WDPCP: variants seen among roughly 807,000 people sequenced by gnomAD.
WDPCP encodes the protein WD repeat-containing and planar cell polarity effector protein fritz homolog.
In WDPCP, 71 loss-of-function variants were observed where a neutral mutation model predicts 93.1. The ratio of observed to expected loss-of-function variants is 0.76; its 90% CI spans 0.63 to 0.93. WDPCP has a LOEUF of 0.93. Ranked by LOEUF, WDPCP falls within the 40% of genes least tolerant of loss-of-function variation. WDPCP has a pLI of 0.00. For synonymous variants in WDPCP, 315 were observed against 315.0 expected, an observed-to-expected ratio of 1.00 and a Z score of 0.00; for missense variants, 844 against 887.4, an observed-to-expected ratio of 0.95 and a Z score of 0.62.
intron 3 of WDPCP, among the ~76,000 whole-genome samples, chr2:63,624,395 G>T (rs999667460): frequency 6.6e-6 from 1 of 152,028 alleles, no homozygotes; most frequent in Admixed American, 6.5e-5. Context: ...TCCAGGAGCT[G>T]GTTTTTTGAA....
intron 17 of WDPCP, among the ~76,000 whole-genome samples, chr2:63,138,454 C>CTTT (rs770979974): frequency 1.5e-5 from 2 of 133,716 alleles, no homozygotes; most frequent in Non-Finnish European, 3.2e-5. Flanking sequence ...TGAGTAAGTT[C>CTTT]TTTTTTTTTT....
At chr2:63,281,313 T>A (rs1454774219) in intron 13 of WDPCP, among the ~76,000 whole-genome samples, 1 of 152,118 alleles carries the variant, frequency 6.6e-6, no homozygotes, top group Middle Eastern at 3.2e-3. Context: ...ATGGCCATAA[T>A]AAAAGAATTT....
chr2:63,606,124 A>G, intron 3 of WDPCP: 2 of 1,176,398 alleles, frequency 1.7e-6, no homozygotes, highest in Non-Finnish European at 2.5e-6. Flanking sequence ...GCTCACGCCT[A>G]TAATCCCAAC....
At chr2:63,235,597 C>A (rs139919043) in intron 14 of WDPCP, among the ~76,000 whole-genome samples, 1 of 152,098 alleles carries the variant, frequency 6.6e-6, no homozygotes, top group Non-Finnish European at 1.5e-5. Flanking sequence ...CAAAAATCCT[C>A]GACAAAATTC....
chr2:63,808,995 C>A (rs1469796188), intron 2 of WDPCP, among the ~76,000 whole-genome samples: 1 of 152,002 alleles, frequency 6.6e-6, no homozygotes, highest in Non-Finnish European at 1.5e-5. Context: ...TGCCCTGCCG[C>A]CCCGTCTGGG....
chr2:63,658,900 G>A (rs181894031), intron 2 of WDPCP, among the ~76,000 whole-genome samples: 2 of 152,252 alleles, frequency 1.3e-5, no homozygotes, highest in African/African-American at 4.8e-5. Flanking sequence ...TCCTAACTTA[G>A]AAATTGATCT....
At chr2:63,551,797 T>G (rs1022083967) in intron 1 of WDPCP, among the ~76,000 whole-genome samples, 1 of 152,002 alleles carries the variant, frequency 6.6e-6, no homozygotes, top group Non-Finnish European at 1.5e-5. Context: ...ATGTGAATTA[T>G]TTGTTACATA....
chr2:63,282,719 C>T (rs1426618138), intron 13 of WDPCP, among the ~76,000 whole-genome samples: 1 of 152,072 alleles, frequency 6.6e-6, no homozygotes, highest in African/African-American at 2.4e-5. Flanking sequence ...TCTCAATAAT[C>T]AGAAGCAAAA....
intron 14 of WDPCP, among the ~76,000 whole-genome samples, chr2:63,191,020 A>C (rs1490224556): frequency 6.6e-6 from 1 of 152,250 alleles, no homozygotes; most frequent in African/African-American, 2.4e-5. Context: ...CTGGGAGTCC[A>C]TGTGCCAAAT....
chr2:63,465,552 T>C (rs945124862), intron 6 of WDPCP, among the ~76,000 whole-genome samples: 12 of 152,218 alleles, frequency 7.9e-5, no homozygotes, highest in African/African-American at 1.9e-4. Context: ...AATAGTTCCA[T>C]TTATTAAATA....
intron 10 of WDPCP, among the ~76,000 whole-genome samples, chr2:63,399,896 C>A (rs185036107): frequency 1.7e-4 from 26 of 152,080 alleles, no homozygotes; most frequent in Admixed American, 1.4e-3. Context: ...TGTATTATAT[C>A]TTTCAGGTAA....
chr2:63,589,545 G>A (rs955614595), upstream of WDPCP, among the ~76,000 whole-genome samples: 3 of 152,164 alleles, frequency 2.0e-5, no homozygotes, highest in Non-Finnish European at 2.9e-5. Context: ...CAGCAGACGT[G>A]TTTCCGCCAT....
At chr2:63,437,700 A>C in intron 7 of WDPCP, 146 bp from the exon 8 acceptor site, 2 of 1,034,036 alleles carry the variant, frequency 1.9e-6, no homozygotes, top group South Asian at 3.8e-5. Flanking sequence ...ATTTTATAAA[A>C]ATATTAAAGA....
At chr2:63,399,605 C>T (rs1359214406) in intron 10 of WDPCP, among the ~76,000 whole-genome samples, 11 of 91,982 alleles carry the variant, frequency 1.2e-4, no homozygotes, top group East Asian at 9.0e-4. Context: ...GGAAGAAGGG[C>T]GGGGGGCGGG....
intron 12 of WDPCP, among the ~76,000 whole-genome samples, chr2:63,367,694 C>T (rs981972359): frequency 5.9e-5 from 9 of 152,108 alleles, no homozygotes; most frequent in Non-Finnish European, 1.0e-4. Flanking sequence ...TCATGTGTTA[C>T]TCCTGTAATC....
intron 12 of WDPCP, among the ~76,000 whole-genome samples, chr2:63,336,894 A>C (rs1186375266): frequency 7.0e-5 from 4 of 56,922 alleles, no homozygotes; most frequent in African/African-American, 3.3e-4. Context: ...CATGAGAGTC[A>C]CTTTTTTTTT....
intron 15 of WDPCP, among the ~76,000 whole-genome samples, chr2:63,170,431 C>T (rs1673303108): frequency 6.6e-6 from 1 of 151,974 alleles, no homozygotes; most frequent in Non-Finnish European, 1.5e-5. Context: ...TGCCATCACA[C>T]CAGGCTAATT....
intron 13 of WDPCP, among the ~76,000 whole-genome samples, chr2:63,269,809 T>G (rs1331212113): frequency 6.6e-6 from 1 of 152,172 alleles, no homozygotes; most frequent in African/African-American, 2.4e-5. Context: ...ATTGAAAAAT[T>G]TTATTCGTAT....
At chr2:63,572,830 A>C (rs996216598) in intron 1 of WDPCP, among the ~76,000 whole-genome samples, 1 of 151,828 alleles carries the variant, frequency 6.6e-6, no homozygotes, top group African/African-American at 2.4e-5. Flanking sequence ...CCTTGGTTCA[A>C]TGCTTCTAAT....
Sources: allele counts gnomAD v4.1 joint callset (sites outside exome capture counted in the v4.1 genomes callset), GRCh38; gene constraint gnomAD v4.1.1; transcripts MANE v1.5; gene names NCBI Gene and HGNC (gene_info 2026-07-23, HGNC 2026-07-21).